The following ABCD2 variants were observed in gnomAD, a reference collection of about 807,000 sequenced individuals.
ABCD2 encodes ATP-binding cassette sub-family D member 2.
ABCD2 carries 36 observed loss-of-function variants against 70.9 expected under a neutral mutation model. The ratio of observed to expected loss-of-function variants is 0.51; its 90% confidence interval spans 0.39 to 0.67. The LOEUF (loss-of-function observed/expected upper bound fraction) is 0.67, where lower values mean the gene tolerates loss of function less well. Ranked by LOEUF, ABCD2 falls within the 30% of genes least tolerant of loss-of-function variation. ABCD2 has a pLI of 0.00. For synonymous variants in ABCD2, 304 were observed against 306.9 expected, an observed-to-expected ratio of 0.99 and a Z score of 0.10; for missense variants, 729 against 890.2, an observed-to-expected ratio of 0.82 and a Z score of 2.30.
At chr12:39,605,953 CTGT>C (rs1941964109) in intron 3 of ABCD2, among the ~76,000 whole-genome samples, 2 of 152,126 alleles carry the variant, frequency 1.3e-5, no homozygotes, top group South Asian at 4.1e-4. Flanking sequence ...TGTAATTACA[CTGT>C]TATTTCATTT....
At chr12:39,615,849 C>T (rs1001888736) in intron 2 of ABCD2, among the ~76,000 whole-genome samples, 1 of 152,016 alleles carries the variant, frequency 6.6e-6, no homozygotes, top group Non-Finnish European at 1.5e-5. Flanking sequence ...AACTATAAAA[C>T]AGTGCAGATT....
Position 39,593,469 on chromosome 12 carries a change from C to T in ABCD2, c.1646+7102G>A, listed in dbSNP as rs571123537. 2.6e-5 allele frequency among the ~76,000 whole-genome samples: 4 copies of T among 152,202 alleles called. No individual in the cohort carries two copies. In the East Asian group the frequency reaches 7.7e-4, roughly 29 times the overall value. ...GTCCCCCTATGTTGCCAGGGCTAAC[C>T]TTAAATTCCTGGCCTCAAGTGATTA... On this transcript the variant is annotated intron_variant, in intron 6 of 9. Coordinates refer to ENST00000308666, the MANE Select transcript of ABCD2 (RefSeq NM_005164.4).
chr12:39,576,870 G>T (rs1941525115), intron 8 of ABCD2, among the ~76,000 whole-genome samples: 1 of 152,038 alleles, frequency 6.6e-6, no homozygotes. Context: ...TCATCCAATT[G>T]TATACCTAAA....
chr12:39,588,934 G>C (rs1328816089), intron 6 of ABCD2, among the ~76,000 whole-genome samples: 1 of 152,148 alleles, frequency 6.6e-6, no homozygotes, highest in Non-Finnish European at 1.5e-5. Flanking sequence ...ACAGTGTTAT[G>C]ACAATTGCTG....
intron 3 of ABCD2, 77 bp downstream of exon 3, chr12:39,607,522 T>A (rs1283196544): frequency 8.3e-7 from 1 of 1,199,228 alleles, no homozygotes; most frequent in African/African-American, 1.5e-5. Flanking sequence ...AAATACTAAG[T>A]ATACTTGGTA....
At chr12:39,587,041 G>C (rs1375767543) in intron 6 of ABCD2, among the ~76,000 whole-genome samples, 1 of 152,130 alleles carries the variant, frequency 6.6e-6, no homozygotes, top group African/African-American at 2.4e-5. Context: ...CAGAGCATTT[G>C]TTGCCCTTTG....
the ABCD2 span, among the ~76,000 whole-genome samples, chr12:39,544,892 A>C: frequency 6.6e-6 from 1 of 152,204 alleles, no homozygotes; most frequent in Non-Finnish European, 1.5e-5. Context: ...TGTTTAAGTG[A>C]ACAGCCTACT....
At chr12:39,568,491 G>A (rs1365578126) in intron 9 of ABCD2, among the ~76,000 whole-genome samples, 1 of 152,044 alleles carries the variant, frequency 6.6e-6, no homozygotes, top group African/African-American at 2.4e-5. Flanking sequence ...GTCCTTTAAG[G>A]ACTTCTCTGC....
the ABCD2 span, among the ~76,000 whole-genome samples, chr12:39,537,850 T>A: frequency 6.6e-6 from 1 of 152,214 alleles, no homozygotes; most frequent in Non-Finnish European, 1.5e-5. Context: ...TGTTTACATT[T>A]TAAAAACTTG....
rs752935420 is a variant in ABCD2, at chr12:39,604,933, A to G, written c.1237-3T>C. On this transcript the variant is annotated splice_region_variant and splice_polypyrimidine_tract_variant and intron_variant, in intron 3 of 9. Coordinates refer to ENST00000308666, the MANE Select transcript of ABCD2 (RefSeq NM_005164.4). ...GTGTAGCCTGCTAATTCAGTGACCTAAAAGCAACACAGAGATATAAAATAG... is the reference window on the plus strand; with the variant it reads ...GTGTAGCCTGCTAATTCAGTGACCTGAAAGCAACACAGAGATATAAAATAG... The G allele has an allele frequency of 8.3e-6, 13 of 1,575,748 alleles. No homozygotes were observed. Among genetic ancestry groups the G allele is most frequent in the Admixed American group, 4.0e-5 (2 of 50,508 alleles).
rs1231487547 is a variant in ABCD2, at chr12:39,551,449, C to G, written c.*2463G>C. On this transcript the variant is annotated 3_prime_UTR_variant, in exon 10 of 10. Coordinates refer to ENST00000308666, the MANE Select transcript of ABCD2 (RefSeq NM_005164.4). ...AGTTTCTCAGTCTTTTTCATGTTTT[C>G]CGTAAAATATAAGAGTAGTAAAATA... is the stretch of plus-strand genomic sequence containing the variant. 6.6e-6 allele frequency: 1 copy of G among 151,554 alleles called. No homozygotes were observed. Among genetic ancestry groups the G allele is most frequent in the Non-Finnish European group, 1.5e-5 (1 of 67,660 alleles). The allele number at this position is 151,554 out of a possible 1,614,324, so 9.4% of individuals were successfully genotyped here.
At chr12:39,610,834 G>C (rs1423174685) in intron 2 of ABCD2, among the ~76,000 whole-genome samples, 1 of 152,146 alleles carries the variant, frequency 6.6e-6, no homozygotes, top group African/African-American at 2.4e-5. Context: ...GGTACTGTGA[G>C]AGCATTGCCA....
the ABCD2 span, among the ~76,000 whole-genome samples, chr12:39,544,197 G>T: frequency 7.9e-5 from 12 of 152,248 alleles, no homozygotes; most frequent in African/African-American, 2.4e-4. Flanking sequence ...TAGAGTCGAA[G>T]CTATCTTCTT....
In ABCD2 at chr12:39,619,661, G is replaced by T. The variant is rs373423301; in HGVS notation, c.-46C>A. The T allele has an allele frequency of 6.6e-7, 1 of 1,526,530 alleles. No individual in the cohort carries two copies. The allele number at this position is 1,526,530 out of a possible 1,614,324, so 94.6% of individuals were successfully genotyped here. A position where few individuals can be genotyped will look rare whatever the true frequency, so the allele number is the denominator to read the frequency against. ...GCTTCCAAAAGAATTCGTTTTAAAA[G>T]ATCATGCTTCACAGAAATCCCCAGC... On this transcript the variant is annotated 5_prime_UTR_variant, in exon 1 of 10. Transcript: ENST00000308666.
chr12:39,584,151 C>A (rs1469180809), intron 7 of ABCD2, among the ~76,000 whole-genome samples: 1 of 152,126 alleles, frequency 6.6e-6, no homozygotes, highest in African/African-American at 2.4e-5. Context: ...TAAGTGTTCT[C>A]TTTTTCCCAC....
chr12:39,563,840 T>C (rs1346315166), intron 9 of ABCD2, among the ~76,000 whole-genome samples: 1 of 152,198 alleles, frequency 6.6e-6, no homozygotes, highest in African/African-American at 2.4e-5. Context: ...TGTATTCTCA[T>C]TGTTCAATTC....
At chr12:39,579,026 G>A (rs1941559498) in intron 8 of ABCD2, among the ~76,000 whole-genome samples, 1 of 151,790 alleles carries the variant, frequency 6.6e-6, no homozygotes. Context: ...TACTCAACAT[G>A]AAAGAAATAG....
intron 2 of ABCD2, among the ~76,000 whole-genome samples, chr12:39,611,872 T>C (rs1942049147): frequency 6.6e-6 from 1 of 152,040 alleles, no homozygotes; most frequent in African/African-American, 2.4e-5. Context: ...CATTACATAA[T>C]ACATAAAAGC....
intron 9 of ABCD2, among the ~76,000 whole-genome samples, chr12:39,568,112 G>T (rs1452508587): frequency 6.6e-6 from 1 of 151,932 alleles, no homozygotes; most frequent in African/African-American, 2.4e-5. Flanking sequence ...TCTTGGAGTT[G>T]CTCTTCTTGA....
Sources: allele counts gnomAD v4.1 joint callset (sites outside exome capture counted in the v4.1 genomes callset), GRCh38; gene constraint gnomAD v4.1.1; transcripts MANE v1.5; gene names NCBI Gene and HGNC (gene_info 2026-07-23, HGNC 2026-07-21).